FGD4: variants seen among roughly 807,000 people sequenced by gnomAD.
FGD4 encodes FYVE, RhoGEF and PH domain-containing protein 4.
FGD4 carries 42 observed loss-of-function variants against 102.0 expected under a neutral mutation model. That is an observed-to-expected ratio of 0.41 (90% CI 0.32 to 0.53). FGD4 has a LOEUF of 0.53. Among genes scored for constraint, FGD4 ranks in the 20% least tolerant of loss-of-function variants. The pLI is 0.21. For synonymous variants in FGD4, 380 were observed against 375.7 expected (o/e 1.01, Z -0.13); for missense variants, 902 against 1,078.2 (o/e 0.84, Z 2.29).
intron 2 of FGD4, among the ~76,000 whole-genome samples, chr12:32,574,065 G>A (rs754002448): frequency 6.6e-6 from 1 of 152,134 alleles, no homozygotes; most frequent in Non-Finnish European, 1.5e-5. Flanking sequence ...TAAGCAATTT[G>A]GAGAAAGCAC....
intron 1 of FGD4, among the ~76,000 whole-genome samples, chr12:32,422,004 T>C (rs2455005): frequency 0.53 from 80,031 of 150,650 alleles, 22,216 homozygotes; most frequent in African/African-American, 0.7. Flanking sequence ...ATTAGCCGGG[T>C]GTGGTGGCGG....
intron 1 of FGD4, among the ~76,000 whole-genome samples, chr12:32,562,703 T>A (rs1335817468): frequency 6.6e-6 from 1 of 152,206 alleles, no homozygotes; most frequent in Non-Finnish European, 1.5e-5. Flanking sequence ...ACACAGCACA[T>A]GTTTCAGAGA....
At chr12:32,636,179 C>T (rs993264753) in intron 15 of FGD4, among the ~76,000 whole-genome samples, 2 of 152,104 alleles carry the variant, frequency 1.3e-5, no homozygotes, top group African/African-American at 4.8e-5. Context: ...ATGGGCCATA[C>T]AAAAACAACT....
rs142266019 is a variant in FGD4, at chr12:32,593,235, A to G, written c.1012-5262A>G. On this transcript the variant is annotated intron_variant, in intron 4 of 16. Coordinates refer to ENST00000534526, the MANE Select transcript of FGD4 (RefSeq NM_001370298.3). ...TAATTATAACAGTGTCTGGCATACA[A>G]TAATCAGTGAATAAGTGTTAGTTTT... Among the ~76,000 whole-genome samples the G allele has an allele frequency of 9.8e-5, 15 of 152,328 alleles. No homozygotes were observed. The East Asian group carries it at 2.7e-3, about 27-fold the overall frequency.
intron 11 of FGD4, among the ~76,000 whole-genome samples, chr12:32,622,510 T>C (rs1386099863): frequency 6.6e-6 from 1 of 152,252 alleles, no homozygotes; most frequent in Non-Finnish European, 1.5e-5. Flanking sequence ...ATTTCTTATT[T>C]ACCTAATCTT....
chr12:32,502,919 A>G (rs1242408622), intron 1 of FGD4, among the ~76,000 whole-genome samples: 3 of 152,224 alleles, frequency 2.0e-5, no homozygotes, highest in African/African-American at 7.2e-5. Context: ...AAGGAAGGGC[A>G]AGACAAGGAA....
chr12:32,570,728 A>G (rs1003654945), intron 2 of FGD4, among the ~76,000 whole-genome samples: 1 of 152,206 alleles, frequency 6.6e-6, no homozygotes, highest in Non-Finnish European at 1.5e-5. Context: ...GGCATGAGAC[A>G]TCGTGCCTCA....
At chr12:32,574,764 G>A (rs1193072749) in intron 2 of FGD4, 1 of 152,126 alleles carries the variant, frequency 6.6e-6, no homozygotes, top group African/African-American at 2.4e-5. Context: ...TCAGCTAACT[G>A]AGTTTATAAA....
At chr12:32,480,165 G>GTTTTTT (rs566121849) in intron 1 of FGD4, among the ~76,000 whole-genome samples, 1 of 61,486 alleles carries the variant, frequency 1.6e-5, no homozygotes, top group African/African-American at 4.2e-5. Context: ...GGTTTTTTTT[G>GTTTTTT]TTTTTTTTGT....
At chr12:32,637,156 G>T (rs112117416) in intron 15 of FGD4, among the ~76,000 whole-genome samples, 65,292 of 148,864 alleles carry the variant, frequency 0.44, 14,687 homozygotes, top group Middle Eastern at 0.62. Context: ...CCCAAAGTGC[G>T]GGGATTACAC....
intron 1 of FGD4, among the ~76,000 whole-genome samples, chr12:32,525,854 C>G (rs528134953): frequency 0.04 from 6,111 of 152,296 alleles, 141 homozygotes; most frequent in Non-Finnish European, 0.056. Flanking sequence ...TCCCCCAGCA[C>G]TGCTGGCCCA....
At chr12:32,494,335 C>G (rs7303292) in intron 1 of FGD4, among the ~76,000 whole-genome samples, 49,868 of 151,992 alleles carry the variant, frequency 0.33, 8,314 homozygotes, top group Middle Eastern at 0.53. Context: ...TCGCAAAGAA[C>G]TGTTAAAATA....
intron 14 of FGD4, among the ~76,000 whole-genome samples, chr12:32,626,446 GAA>G (rs34938382): frequency 0.015 from 1,503 of 101,858 alleles, 19 homozygotes; most frequent in African/African-American, 0.047. Flanking sequence ...CTCCATCTCA[GAA>G]AAAAAAAAAA....
intron 1 of FGD4, among the ~76,000 whole-genome samples, chr12:32,467,271 A>C (rs1565757331): frequency 6.6e-6 from 1 of 152,118 alleles, no homozygotes; most frequent in Non-Finnish European, 1.5e-5. Context: ...ATATGTTACT[A>C]TACACGGTGC....
At chr12:32,500,386 ATTTTAT>A (rs1238345657) in intron 1 of FGD4, among the ~76,000 whole-genome samples, 4 of 147,806 alleles carry the variant, frequency 2.7e-5, no homozygotes, top group Non-Finnish European at 6.0e-5. Context: ...ACCTTATTTT[ATTTTAT>A]TTTTATTTTA....
chr12:32,569,980 C>T (rs1452667720), intron 2 of FGD4, among the ~76,000 whole-genome samples: 1 of 152,094 alleles, frequency 6.6e-6, no homozygotes, highest in East Asian at 1.9e-4. Flanking sequence ...TGGTGGCTCA[C>T]GCCTGTAATC....
At chr12:32,563,206 G>A (rs1182281799) in intron 1 of FGD4, among the ~76,000 whole-genome samples, 1 of 152,040 alleles carries the variant, frequency 6.6e-6, no homozygotes, top group Non-Finnish European at 1.5e-5. Context: ...TTCCCAGAGG[G>A]GGTGGCTGCC....
In FGD4 at chr12:32,467,476, G is replaced by A. The variant is rs190732558; in HGVS notation, c.166+67517G>A. Reference sequence around the variant, plus strand: ...TGGTTGAAGAATAAATAAATAAAACGTAATTAAAGTCTATATAGCAGCTAC... The same window carrying A: ...TGGTTGAAGAATAAATAAATAAAACATAATTAAAGTCTATATAGCAGCTAC... On this transcript the variant is annotated intron_variant, in intron 1 of 16. Coordinates refer to ENST00000534526, the MANE Select transcript of FGD4 (RefSeq NM_001370298.3). 8.1e-4 allele frequency among the ~76,000 whole-genome samples: 124 copies of A among 152,232 alleles called. 1 individual carries two copies. The highest frequency in any genetic ancestry group is 2.9e-3 in the African/African-American group (121 of 41,544).
chr12:32,478,428 C>G (rs778825753), intron 1 of FGD4, among the ~76,000 whole-genome samples: 13 of 152,096 alleles, frequency 8.5e-5, no homozygotes, highest in South Asian at 2.1e-4. Context: ...CCACACCTGG[C>G]TAATGTTTTG....
Sources: gnomAD v4.1 joint callset for allele counts (sites outside exome capture counted in the v4.1 genomes callset) on GRCh38, gnomAD v4.1.1 for gene constraint, MANE v1.5 for transcripts, NCBI Gene and HGNC (gene_info 2026-07-23, HGNC 2026-07-21) for gene names.